The following ADAMTS6 variants were observed in gnomAD, a reference collection of about 807,000 sequenced individuals.
The protein encoded by ADAMTS6 is A disintegrin and metalloproteinase with thrombospondin motifs 6.
A neutral mutation model predicts 144.3 loss-of-function variants in ADAMTS6; 23 were observed. That is an observed-to-expected ratio of 0.16 (90% confidence interval 0.11 to 0.23). The LOEUF (loss-of-function observed/expected upper bound fraction) is 0.23. Among genes scored for constraint, ADAMTS6 ranks in the 10% least tolerant of loss-of-function variants. The probability of loss-of-function intolerance (pLI) is 1.00; values close to 1 mark genes in which losing one functional copy is unlikely to be tolerated. For missense variants in ADAMTS6, 999 were observed against 1,379.6 expected (o/e 0.72, Z 4.37); for synonymous variants, 444 against 457.5 (o/e 0.97, Z 0.38).
chr5:65,360,893 A>AT (rs1008335369), intron 7 of ADAMTS6, among the ~76,000 whole-genome samples: 2 of 152,154 alleles, frequency 1.3e-5, no homozygotes, highest in Non-Finnish European at 2.9e-5. Context: ...CTTTTTACCA[A>AT]TTTTTTTAAT....
chr5:65,473,602 G>T lies in ADAMTS6; in HGVS notation c.72C>A (p.Asp24Glu). The change falls in exon 2 of 25, where the codon GAC (aspartate) becomes GAA (glutamate). Residue 24 changes from aspartate to glutamate, a missense_variant. Physicochemically the swap from Asp to Glu is conservative, Grantham distance 45. Around this residue, in one of 3 missense-constraint regions of ADAMTS6, gnomAD observed 252 missense variants for 293.7 expected, o/e 0.86. Coordinates refer to ENST00000381055, the MANE Select transcript of ADAMTS6 (RefSeq NM_197941.4). ...LIMASSEFHS[D>E]HRLSYSSQEE... ...CTTGAGAACTGTATGAAAGCCTGTG[G>T]TCACTATGAAATTCCGATGAAGCCA... 1 of 1,613,698 alleles carries T rather than the reference G, an allele frequency of 6.2e-7. No individual in the cohort carries two copies. Among genetic ancestry groups the T allele is most frequent in the Admixed American group, 1.7e-5 (1 of 60,016 alleles).
chr5:65,333,666 T>G (rs1746999575), intron 8 of ADAMTS6, among the ~76,000 whole-genome samples: 1 of 151,768 alleles, frequency 6.6e-6, no homozygotes, highest in Admixed American at 6.6e-5. Flanking sequence ...CTGCTTTCAT[T>G]TACTCTCACA....
intron 11 of ADAMTS6, among the ~76,000 whole-genome samples, chr5:65,282,521 G>C (rs1243074308): frequency 3.3e-5 from 5 of 152,102 alleles, no homozygotes; most frequent in African/African-American, 1.2e-4. Context: ...CCTGGAAAGG[G>C]AAGGGGATTC....
chr5:65,305,130 A>T (rs987300029), intron 9 of ADAMTS6, among the ~76,000 whole-genome samples: 1 of 152,228 alleles, frequency 6.6e-6, no homozygotes, highest in African/African-American at 2.4e-5. Flanking sequence ...TCTCAAAGAG[A>T]TCAGAAAAAT....
chr5:65,295,298 T>C (rs932590323), intron 10 of ADAMTS6, among the ~76,000 whole-genome samples: 4 of 152,126 alleles, frequency 2.6e-5, no homozygotes, highest in Non-Finnish European at 5.9e-5. Flanking sequence ...TAATATTTCC[T>C]TTCATAAAAT....
chr5:65,215,514 A>T lies in ADAMTS6; in HGVS notation c.2273-27T>A, dbSNP rs780106835. ...TAGAAAACAAATCACAATTCACCTA[A>T]AAATGTGAAATTTCATTTACCAAAG... On this transcript the variant is annotated intron_variant, in intron 18 of 24. Coordinates refer to ENST00000381055, the MANE Select transcript of ADAMTS6 (RefSeq NM_197941.4). The T allele has an allele frequency of 2.5e-5, 39 of 1,582,928 alleles. 1 individual carries two copies. The Middle Eastern group carries it at 1.2e-3, about 48-fold the overall frequency.
intron 20 of ADAMTS6, among the ~76,000 whole-genome samples, chr5:65,201,050 A>T (rs1262577504): frequency 6.6e-6 from 1 of 152,216 alleles, no homozygotes; most frequent in Non-Finnish European, 1.5e-5. Context: ...GGAAGAAGGC[A>T]TATTCCACTT....
chr5:65,399,683 C>A (rs896946171), intron 7 of ADAMTS6, among the ~76,000 whole-genome samples: 1 of 151,224 alleles, frequency 6.6e-6, no homozygotes, highest in Non-Finnish European at 1.5e-5. Context: ...TGATATTAGT[C>A]ATTTATTTCA....
rs78251496 is a variant in ADAMTS6, at chr5:65,278,202, C to T, written c.1513-4755G>A. Among the ~76,000 whole-genome samples, 928 of 152,214 alleles carry T rather than the reference C, an allele frequency of 6.1e-3. 4 individuals are homozygous for T. The highest frequency in any genetic ancestry group is 0.01 in the Non-Finnish European group (707 of 68,028). On this transcript the variant is annotated intron_variant, in intron 11 of 24. Transcript: ENST00000381055. ...GTAGTATTCCACAAGGTGTATATAC[C>T]AGTTTCTTTGTTCACTCATTAGTCG...
chr5:65,262,860 C>A lies in ADAMTS6; in HGVS notation c.1723G>T (p.Gly575Trp). The change falls in exon 13 of 25, where the codon GGG becomes TGG. Residue 575 changes from glycine to tryptophan, a missense_variant. This residue lies in a region of ADAMTS6 where 619 missense variants were observed against 837.0 expected (regional missense o/e 0.74). Coordinates refer to ENST00000381055, the MANE Select transcript of ADAMTS6 (RefSeq NM_197941.4). ...CTTAGGGATGAGGAGACGCCTCCCC[C>A]GCAGGTCCTGCTGCACTCTCCCCAT... ...SLWGECSRTC[G>W]GGVSSSLRHC... 6.3e-7 allele frequency: 1 copy of A among 1,584,804 alleles called. No individual in the cohort carries two copies. Among genetic ancestry groups the A allele is most frequent in the Non-Finnish European group, 8.6e-7 (1 of 1,168,492 alleles).
At chr5:65,305,978 C>T (rs994957041) in intron 9 of ADAMTS6, among the ~76,000 whole-genome samples, 3 of 152,204 alleles carry the variant, frequency 2.0e-5, no homozygotes, top group African/African-American at 2.4e-5. Context: ...AACATCTCTC[C>T]TCTTGGACAA....
rs559888767 is a variant in ADAMTS6 at position 65,313,918 on chromosome 5, C to T, written c.1224-13787G>A. 5.3e-5 allele frequency among the ~76,000 whole-genome samples: 8 copies of T among 151,956 alleles called. No homozygotes were observed. The South Asian group carries it at 6.2e-4, about 12-fold the overall frequency. On this transcript the variant is annotated intron_variant, in intron 9 of 24. Coordinates refer to ENST00000381055, the MANE Select transcript of ADAMTS6 (RefSeq NM_197941.4). Reference sequence around the variant, plus strand: ...AGAATACCTACTACCACACATTAAACGACTGTTTACCTCAGTTCCCATTAC... The same window carrying T: ...AGAATACCTACTACCACACATTAAATGACTGTTTACCTCAGTTCCCATTAC...
intron 7 of ADAMTS6, among the ~76,000 whole-genome samples, chr5:65,367,895 T>C (rs1053940552): frequency 6.6e-6 from 1 of 151,992 alleles, no homozygotes; most frequent in Non-Finnish European, 1.5e-5. Context: ...TATATGTGTA[T>C]ATATATGTGT....
At chr5:65,288,300 C>T (rs942451158) in intron 11 of ADAMTS6, among the ~76,000 whole-genome samples, 23 of 144,684 alleles carry the variant, frequency 1.6e-4, no homozygotes, top group Admixed American at 1.5e-3. Flanking sequence ...TTTCTTTTTT[C>T]TTTTTTTCTT....
chr5:65,364,564 C>CT (rs1245835544), intron 7 of ADAMTS6, among the ~76,000 whole-genome samples: 12,295 of 117,760 alleles, frequency 0.1, 1,259 homozygotes, highest in African/African-American at 0.25. Flanking sequence ...GAATTTCTTT[C>CT]TTTTTTTTTT....
At chr5:65,384,423 C>T (rs1561487259) in intron 7 of ADAMTS6, among the ~76,000 whole-genome samples, 1 of 152,208 alleles carries the variant, frequency 6.6e-6, no homozygotes. Context: ...TATTTCATCA[C>T]TCAGAAGTTC....
intron 9 of ADAMTS6, among the ~76,000 whole-genome samples, chr5:65,316,950 C>A (rs561097199): frequency 1.3e-5 from 2 of 152,032 alleles, no homozygotes; most frequent in South Asian, 2.1e-4. Context: ...TACAAGCGTG[C>A]GCCATCAAGC....
intron 14 of ADAMTS6, among the ~76,000 whole-genome samples, chr5:65,249,718 C>A (rs1484679492): frequency 1.3e-5 from 2 of 152,124 alleles, no homozygotes; most frequent in East Asian, 3.9e-4. Context: ...CTACCAGTAA[C>A]ATATATAAAG....
intron 3 of ADAMTS6, among the ~76,000 whole-genome samples, chr5:65,468,946 T>C (rs1760227993): frequency 6.6e-6 from 1 of 152,208 alleles, no homozygotes; most frequent in South Asian, 2.1e-4. Context: ...ATTTGCTATA[T>C]CAAAGGCATG....
Sources: allele counts gnomAD v4.1 joint callset (sites outside exome capture counted in the v4.1 genomes callset), GRCh38; gene constraint gnomAD v4.1.1; regional missense constraint gnomAD v4.1.1; transcripts MANE v1.5; gene names NCBI Gene and HGNC (gene_info 2026-07-23, HGNC 2026-07-21).